The following PPP2R2B variants were observed in gnomAD, a reference collection of about 807,000 sequenced individuals.
The protein encoded by PPP2R2B is serine/threonine-protein phosphatase 2A 55 kDa regulatory subunit B beta isoform.
In PPP2R2B, 5 loss-of-function variants were observed where a neutral mutation model predicts 46.0. That is an observed-to-expected ratio of 0.11 (90% CI 0.06 to 0.23). The LOEUF is 0.23. Ranked by LOEUF, PPP2R2B falls within the 10% of genes least tolerant of loss-of-function variation. PPP2R2B has a pLI of 1.00. For missense variants in PPP2R2B, 367 were observed against 575.0 expected, an observed-to-expected ratio of 0.64 and a Z score of 3.70; for synonymous variants, 215 against 206.7, an observed-to-expected ratio of 1.04 and a Z score of -0.34.
chr5:146,658,749 T>C (rs888610850), intron 5 of PPP2R2B, among the ~76,000 whole-genome samples: 1 of 152,196 alleles, frequency 6.6e-6, no homozygotes, highest in South Asian at 2.1e-4. Context: ...CTTACCAAGG[T>C]GTACTATGCA....
chr5:146,863,797 C>T (rs1761151101), intron 2 of PPP2R2B, among the ~76,000 whole-genome samples: 1 of 152,076 alleles, frequency 6.6e-6, no homozygotes, highest in Admixed American at 6.5e-5. Context: ...TAACCCAAGA[C>T]ACTTCAAAGA....
rs998673319 is a variant in PPP2R2B at position 146,680,857 on chromosome 5, C to T, written c.447+10271G>A. Among the ~76,000 whole-genome samples, 8 of 152,292 alleles carry T rather than the reference C, an allele frequency of 5.3e-5. No homozygotes were observed. In the South Asian group the frequency reaches 8.3e-4, roughly 16 times the overall value. The stretch of plus-strand genomic sequence containing the variant: ...AAAATTCCTTTCCTTGTTGCTAAAC[C>T]ATTCTAAGGAAACCAGAGAATAAAA... On this transcript the variant is annotated intron_variant, in intron 5 of 9. Transcript: ENST00000394411.
intron 6 of PPP2R2B, among the ~76,000 whole-genome samples, chr5:146,644,234 CAAAAAAAAAAAAAAAAAA>C (rs58634387): frequency 1.6e-5 from 1 of 60,660 alleles, no homozygotes; most frequent in African/African-American, 6.3e-5. Flanking sequence ...AGGAAAGTTT[CAAAAAAAAAAAAAAAAAA>C]AAAAAAAAAA....
At chr5:146,762,661 C>T (rs1257698234) in intron 2 of PPP2R2B, among the ~76,000 whole-genome samples, 1 of 152,200 alleles carries the variant, frequency 6.6e-6, no homozygotes, top group Non-Finnish European at 1.5e-5. Flanking sequence ...ACTTGAAGTA[C>T]AGTCTGTGCT....
intron 2 of PPP2R2B, among the ~76,000 whole-genome samples, chr5:146,810,604 G>A (rs950191578): frequency 1.4e-4 from 21 of 152,048 alleles, no homozygotes; most frequent in African/African-American, 2.7e-4. Flanking sequence ...GGATTTGAAC[G>A]CTTGTCTATG....
At chr5:146,602,699 A>G (rs1446257736) in intron 7 of PPP2R2B, among the ~76,000 whole-genome samples, 1 of 152,226 alleles carries the variant, frequency 6.6e-6, no homozygotes, top group Non-Finnish European at 1.5e-5. Context: ...TCACAGAACC[A>G]TTGAAGAGAA....
At chr5:146,646,552 T>G (rs1263688905) in intron 6 of PPP2R2B, among the ~76,000 whole-genome samples, 1 of 152,162 alleles carries the variant, frequency 6.6e-6, no homozygotes, top group Non-Finnish European at 1.5e-5. Flanking sequence ...CCAGTTATCA[T>G]GAGGTTTAGA....
chr5:146,666,857 C>CA (rs2151115264), intron 5 of PPP2R2B, among the ~76,000 whole-genome samples: 1 of 152,332 alleles, frequency 6.6e-6, no homozygotes, highest in Admixed American at 6.5e-5. Flanking sequence ...CATATCATGT[C>CA]ATCAAGTAAA....
chr5:146,984,741 G>A (rs1753341799), intron 1 of PPP2R2B, among the ~76,000 whole-genome samples: 1 of 151,476 alleles, frequency 6.6e-6, no homozygotes, highest in Non-Finnish European at 1.5e-5. Context: ...CTTATCTTTG[G>A]CTTTTTTTTT....
intron 1 of PPP2R2B, among the ~76,000 whole-genome samples, chr5:147,043,324 A>C: frequency 6.6e-6 from 1 of 152,068 alleles, no homozygotes; most frequent in South Asian, 2.1e-4. Context: ...TAAGGAGGTA[A>C]TTATGGTTAA....
intron 2 of PPP2R2B, among the ~76,000 whole-genome samples, chr5:146,829,894 T>C (rs1207133969): frequency 6.6e-6 from 1 of 152,180 alleles, no homozygotes. Context: ...GTCACACTCA[T>C]TGTGTTTCAT....
At chr5:146,998,431 AGTGACTCAGTCTGTGTCTGTTC>A (rs1754018114) in intron 1 of PPP2R2B, among the ~76,000 whole-genome samples, 1 of 152,190 alleles carries the variant, frequency 6.6e-6, no homozygotes, top group South Asian at 2.1e-4. Flanking sequence ...AGGAAGTGGG[AGTGACTCAGTCTGTGTCTGTTC>A]TGTTTGGGCA....
At position 147,015,303 on chromosome 5, in the gene PPP2R2B, G is replaced by A. The variant is rs1267867779; in HGVS notation, c.79+40362C>T. Among the ~76,000 whole-genome samples the A allele has an allele frequency of 1.3e-5, 2 of 151,504 alleles. 1 individual carries two copies. The highest frequency in any genetic ancestry group is 4.1e-4 in the East Asian group (2 of 4,820). On this transcript the variant is annotated intron_variant, in intron 1 of 8. Coordinates refer to the PPP2R2B transcript ENST00000336640. The stretch of plus-strand genomic sequence containing the variant: ...CATTGAATTTATATGACTGTAAAAG[G>A]AAGTTCACCTTGCTTAGTTGGAACA...
rs574451118 is a variant in PPP2R2B at position 146,778,063 on chromosome 5, T to C, written c.71-76921A>G. 8.5e-5 allele frequency among the ~76,000 whole-genome samples: 13 copies of C among 152,284 alleles called. 1 individual carries two copies. The South Asian group carries it at 2.7e-3, about 32-fold the overall frequency. On this transcript the variant is annotated intron_variant, in intron 2 of 9. Transcript: ENST00000394411. Reference sequence around the variant, plus strand: ...TTAAGAGTTTAAAGTTCTATGAGAATTGTGTACAACTAGAAACTTTCCCAA... The same window carrying C: ...TTAAGAGTTTAAAGTTCTATGAGAACTGTGTACAACTAGAAACTTTCCCAA...
intron 2 of PPP2R2B, among the ~76,000 whole-genome samples, chr5:146,847,688 C>T (rs1281468242): frequency 6.6e-6 from 1 of 152,220 alleles, no homozygotes; most frequent in African/African-American, 2.4e-5. Flanking sequence ...GAGCAGACAG[C>T]AGCAGCAGCA....
At chr5:146,770,355 A>AAAAAAAT (rs1368760298) in intron 2 of PPP2R2B, among the ~76,000 whole-genome samples, 1 of 132,600 alleles carries the variant, frequency 7.5e-6, no homozygotes, top group African/African-American at 2.7e-5. Flanking sequence ...AAAAAAAAAA[A>AAAAAAAT]GAATGAAGAA....
At chr5:146,623,431 A>G (rs1364898194) in intron 7 of PPP2R2B, among the ~76,000 whole-genome samples, 1 of 152,258 alleles carries the variant, frequency 6.6e-6, no homozygotes, top group Non-Finnish European at 1.5e-5. Flanking sequence ...AAGTGTACAA[A>G]GGCAGTAATT....
intron 2 of PPP2R2B, among the ~76,000 whole-genome samples, chr5:146,765,457 G>A (rs28573230): frequency 0.031 from 4,706 of 152,290 alleles, 232 homozygotes; most frequent in African/African-American, 0.11. Flanking sequence ...TTGAAGAACA[G>A]TGCCCAGAAC....
intron 1 of PPP2R2B, among the ~76,000 whole-genome samples, chr5:147,051,254 G>T (rs1756801373): frequency 1.3e-5 from 2 of 152,176 alleles, no homozygotes; most frequent in African/African-American, 4.8e-5. Flanking sequence ...ACTAGCTGTG[G>T]TTCTGAATAG....
Sources: gnomAD v4.1 joint callset for allele counts (sites outside exome capture counted in the v4.1 genomes callset) on GRCh38, gnomAD v4.1.1 for gene constraint, MANE v1.5 for transcripts, NCBI Gene and HGNC (gene_info 2026-07-23, HGNC 2026-07-21) for gene names.